Variants in MFSD1 observed in about 807,000 individuals in gnomAD.
The protein encoded by MFSD1 is major facilitator superfamily domain containing 1, also known as lysosomal dipeptide transporter MFSD1.
In MFSD1, 59 loss-of-function variants were observed where a neutral mutation model predicts 67.1. That is an observed-to-expected ratio of 0.88 (90% confidence interval 0.71 to 1.09). The LOEUF (loss-of-function observed/expected upper bound fraction) is 1.09, where lower values mean the gene tolerates loss of function less well. Ranked by LOEUF, MFSD1 falls within the 50% of genes least tolerant of loss-of-function variation. The pLI is 0.00. For missense variants in MFSD1, 552 were observed against 566.1 expected (o/e 0.97, Z 0.25); for synonymous variants, 213 against 200.3 (o/e 1.06, Z -0.54).
At chr3:158,807,531 T>A in intron 5 of MFSD1, 68 bp downstream of exon 5, 1 of 1,280,620 alleles carries the variant, frequency 7.8e-7, no homozygotes, top group Non-Finnish European at 1.1e-6. Context: ...GAAAGATCTT[T>A]AAAAAACCTT....
At chr3:158,823,576 T>A in intron 12 of MFSD1, 51 bp downstream of exon 12, 1 of 1,258,872 alleles carries the variant, frequency 7.9e-7, no homozygotes. Flanking sequence ...TATGTCAATT[T>A]AATTATCATA....
chr3:158,821,710 A>T, intron 10 of MFSD1, 57 bp downstream of exon 10: 1 of 1,377,522 alleles, frequency 7.3e-7, no homozygotes, highest in Admixed American at 2.0e-5. Context: ...GGTCTTTATA[A>T]TCAAATGTTA....
chr3:158,828,782 AAT>A (rs1189555381), intron 15 of MFSD1, among the ~76,000 whole-genome samples, 195 bp from the exon 16 acceptor site: 25 of 152,184 alleles, frequency 1.6e-4, no homozygotes, highest in Admixed American at 2.0e-4. Flanking sequence ...AAAAACTCAG[AAT>A]ATTTTTCAAA....
At chr3:158,803,950 G>T (rs1729584347) in intron 1 of MFSD1, among the ~76,000 whole-genome samples, 1 of 152,096 alleles carries the variant, frequency 6.6e-6, no homozygotes, top group Admixed American at 6.6e-5. Flanking sequence ...AACTGATGAG[G>T]TTGTAAAGTT....
At chr3:158,811,444 A>G (rs941320326) in intron 6 of MFSD1, among the ~76,000 whole-genome samples, 1 of 152,236 alleles carries the variant, frequency 6.6e-6, no homozygotes, top group African/African-American at 2.4e-5. Context: ...TTCAGGAGCA[A>G]GGAAAATGCT....
rs367938333 is a variant in MFSD1 at position 158,813,954 on chromosome 3, T to C, written c.550-11T>C. ...TAAAATGCTGTTGTTTTTTTTTCCC[T>C]TCTCATTTAGGGAAGTACAGTAAAC... On this transcript the variant is annotated splice_polypyrimidine_tract_variant and intron_variant, in intron 6 of 15. Transcript: ENST00000415822. 6 of 1,575,300 alleles carry C rather than the reference T, an allele frequency of 3.8e-6. No homozygotes were observed. In the African/African-American group the frequency reaches 8.1e-5, roughly 21 times the overall value.
chr3:158,825,372 C>T (rs1293422013), intron 13 of MFSD1: 1 of 152,254 alleles, frequency 6.6e-6, no homozygotes, highest in African/African-American at 2.4e-5. Flanking sequence ...GTTGCCCAGG[C>T]TGGACTTGAA....
intron 15 of MFSD1, among the ~76,000 whole-genome samples, chr3:158,827,917 A>T (rs186496978): frequency 1.1e-5 from 1 of 89,780 alleles, no homozygotes; most frequent in African/African-American, 4.3e-5. Context: ...AGAGAGGGGG[A>T]GAGAGAGAGA....
chr3:158,808,876 G>C (rs1395691576), intron 5 of MFSD1: 2 of 263,190 alleles, frequency 7.6e-6, no homozygotes, highest in Non-Finnish European at 1.4e-5. Context: ...GCACTTACAT[G>C]TGGCCTCTCT....
intron 6 of MFSD1, among the ~76,000 whole-genome samples, chr3:158,812,245 A>G (rs1314392604): frequency 6.6e-6 from 1 of 152,256 alleles, no homozygotes; most frequent in African/African-American, 2.4e-5. Context: ...CTCTGTGGTC[A>G]TTCTGGAGGC....
In MFSD1 at chr3:158,829,256, A is replaced by G. The variant is rs1731188268; in HGVS notation, c.*274A>G. 1 of 281,460 alleles carries G rather than the reference A, an allele frequency of 3.6e-6. No homozygotes were observed. Among genetic ancestry groups the G allele is most frequent in the South Asian group, 1.3e-4 (1 of 7,602 alleles). 17.4% of individuals were successfully genotyped at this position (281,460 alleles called of 1,614,324 possible). ...GTGGAACATCCAGGTGAACTTCAGG[A>G]AAGACAGTGAAAAATGGAAAACGTT... On this transcript the variant is annotated 3_prime_UTR_variant, in exon 16 of 16. Transcript: ENST00000415822.
At position 158,829,568 on chromosome 3, in the gene MFSD1, GTGTT is replaced by G. The variant is rs1276811954; in HGVS notation, c.*587_*590del. On this transcript the variant is annotated 3_prime_UTR_variant, in exon 16 of 16. Transcript: ENST00000415822. ...TGACCCTTTTCAATTTCTTATTTCT[GTGTT>G]ACTGAGGACCCTAATCACTTAGGGA... 1 of 152,158 alleles carries G rather than the reference GTGTT, an allele frequency of 6.6e-6. No individual in the cohort carries two copies. Among genetic ancestry groups the G allele is most frequent in the Non-Finnish European group, 1.5e-5 (1 of 68,016 alleles). 9.4% of individuals were successfully genotyped at this position (152,158 alleles called of 1,614,324 possible). A position where few individuals can be genotyped will look rare whatever the true frequency, so the allele number is the denominator to read the frequency against.
intron 15 of MFSD1, 115 bp from the exon 16 acceptor site, chr3:158,828,864 G>T: frequency 2.2e-6 from 2 of 925,734 alleles, no homozygotes; most frequent in East Asian, 2.9e-5. Flanking sequence ...AAAAAAATGT[G>T]TAGCTTAGTA....
At position 158,822,117 on chromosome 3, in the gene MFSD1, A is replaced by G. The variant is rs1730712508; in HGVS notation, c.1054A>G (p.Met352Val). 1 of 1,613,206 alleles carries G rather than the reference A, an allele frequency of 6.2e-7. No homozygotes were observed. Among genetic ancestry groups the G allele is most frequent in the African/African-American group, 1.3e-5 (1 of 74,980 alleles). ...LVSHMMLAFT[M>V]WNPWIAMCLL... ...GTCCCACATGATGCTGGCCTTTACG[A>G]TGTGGAACCCTTGGATTGCTATGGT... The change falls in exon 11 of 16, where the codon ATG becomes GTG. Residue 352 changes from methionine to valine, a missense_variant. Transcript: ENST00000415822.
chr3:158,815,810 C>A (rs1056423525), intron 7 of MFSD1, among the ~76,000 whole-genome samples: 31 of 151,388 alleles, frequency 2.0e-4, no homozygotes, highest in African/African-American at 6.8e-4. Context: ...CTCCTCCCCC[C>A]ACCCCACAAC....
At chr3:158,807,164 T>C in intron 4 of MFSD1, 82 bp downstream of exon 4, 1 of 1,293,150 alleles carries the variant, frequency 7.7e-7, no homozygotes, top group Non-Finnish European at 1.1e-6. Flanking sequence ...CAAAGCTGTG[T>C]TTAATTAATG....
At chr3:158,824,303 A>T (rs1358008953) in intron 13 of MFSD1, 67 bp downstream of exon 13, 8 of 1,136,930 alleles carry the variant, frequency 7.0e-6, no homozygotes, top group Admixed American at 2.1e-5. Flanking sequence ...ATTTTTACTT[A>T]GGCATAGCTC....
chr3:158,814,179 G>T, intron 7 of MFSD1, 112 bp downstream of exon 7: 2 of 699,944 alleles, frequency 2.9e-6, no homozygotes, highest in Non-Finnish European at 2.4e-6. Context: ...TTATAGTGTT[G>T]TCTCCATGGT....
chr3:158,804,322 G>A lies in MFSD1; in HGVS notation c.167G>A (p.Ser56Asn). ...TAAAGTATTTGCTCTTTTCTAGGCA[G>A]CTATTTTTGCTATGATAATCCTGCT... is the stretch of plus-strand genomic sequence containing the variant. ...LLLMCFLGFG[S>N]YFCYDNPAAL... Residue 56 changes from serine to asparagine, a missense_variant, in exon 2 of 16, where the codon AGC becomes AAC. Ser to Asn is a conservative substitution (Grantham distance 46, BLOSUM62 1). Coordinates refer to ENST00000415822, the MANE Select transcript of MFSD1 (RefSeq NM_022736.4). The A allele has an allele frequency of 6.2e-7, 1 of 1,608,486 alleles. No individual in the cohort carries two copies. The highest frequency in any genetic ancestry group is 8.5e-7 in the Non-Finnish European group (1 of 1,177,424).
Sources: allele counts gnomAD v4.1 joint callset (sites outside exome capture counted in the v4.1 genomes callset), GRCh38; gene constraint gnomAD v4.1.1; transcripts MANE v1.5; gene names NCBI Gene and HGNC (gene_info 2026-07-23, HGNC 2026-07-21).